Variants in PPARG observed in about 807,000 individuals in gnomAD.
PPARG encodes the protein peroxisome proliferator activated receptor gamma, also known as peroxisome proliferator-activated receptor gamma.
PPARG carries 17 observed loss-of-function variants against 39.2 expected under a neutral mutation model. The ratio of observed to expected loss-of-function variants is 0.43; its 90% CI spans 0.30 to 0.65. The LOEUF (loss-of-function observed/expected upper bound fraction) is 0.65. Among genes scored for constraint, PPARG ranks in the 30% least tolerant of loss-of-function variants. The pLI, the probability that PPARG is intolerant of heterozygous loss-of-function variation, is 0.13. For synonymous variants in PPARG, 223 were observed against 215.7 expected (o/e 1.03, Z -0.30); for missense variants, 406 against 585.9 (o/e 0.69, Z 3.17).
intron 1 of PPARG, among the ~76,000 whole-genome samples, chr3:12,291,520 A>G (rs987706149): frequency 6.6e-6 from 1 of 152,170 alleles, no homozygotes; most frequent in Non-Finnish European, 1.5e-5. Flanking sequence ...TTGGGGGAGT[A>G]ATATAGTATA....
intron 4 of PPARG, among the ~76,000 whole-genome samples, chr3:12,387,783 G>A (rs986425994): frequency 6.6e-6 from 1 of 152,146 alleles, no homozygotes; most frequent in African/African-American, 2.4e-5. Flanking sequence ...TAGACATGAA[G>A]TCTTTGCCCA....
chr3:12,288,398 T>TGCGTCCCGGC (rs1337447372), upstream of PPARG, among the ~76,000 whole-genome samples: 2 of 151,396 alleles, frequency 1.3e-5, no homozygotes, highest in African/African-American at 4.9e-5. Context: ...CGCGAGCCGG[T>TGCGTCCCGGC]GCGTCCCGGC....
intron 5 of PPARG, among the ~76,000 whole-genome samples, chr3:12,396,179 T>C (rs1367500667): frequency 1.3e-5 from 2 of 152,120 alleles, no homozygotes; most frequent in African/African-American, 4.8e-5. Context: ...TGGAGTACAA[T>C]GGTACAATCT....
At chr3:12,373,674 C>A (rs961908770) in intron 2 of PPARG, among the ~76,000 whole-genome samples, 1 of 151,582 alleles carries the variant, frequency 6.6e-6, no homozygotes, top group Admixed American at 6.6e-5. Flanking sequence ...AAAAAAAAAA[C>A]TGTGCATAGA....
Position 12,392,595 on chromosome 3 carries a change from C to CT in PPARG, c.391-13dup. 1.9e-6 allele frequency: 3 copies of CT among 1,613,450 alleles called. No homozygotes were observed. Among genetic ancestry groups the CT allele is most frequent in the South Asian group, 2.2e-5 (2 of 91,068 alleles). Reference sequence around the variant, plus strand: ...TGTCATAAAGACTTAAAATTTGCTTCTTTTTTATCCCTTTGCAGGGTTTCT... The same window carrying CT: ...TGTCATAAAGACTTAAAATTTGCTTCTTTTTTTATCCCTTTGCAGGGTTTCT... On this transcript the variant is annotated intron_variant, in intron 4 of 7. Coordinates refer to ENST00000651735, the MANE Select transcript of PPARG (RefSeq NM_138711.6).
At chr3:12,413,208 C>T (rs1016729823) in intron 6 of PPARG, among the ~76,000 whole-genome samples, 7 of 152,126 alleles carry the variant, frequency 4.6e-5, no homozygotes, top group African/African-American at 7.2e-5. Context: ...AGGCTGGCCA[C>T]GATCTTCTCA....
At chr3:12,421,359 CA>C (rs1323000907) in intron 7 of PPARG, among the ~76,000 whole-genome samples, 1 of 152,216 alleles carries the variant, frequency 6.6e-6, no homozygotes, top group African/African-American at 2.4e-5. Context: ...TGGGCGGTGT[CA>C]AGAGTAATAA....
chr3:12,401,512 C>T (rs1191941576), intron 5 of PPARG, among the ~76,000 whole-genome samples: 1 of 151,502 alleles, frequency 6.6e-6, no homozygotes, highest in African/African-American at 2.4e-5. Flanking sequence ...CATCACCTCA[C>T]GTGAGGTAGA....
chr3:12,313,136 T>A (rs1018950500), intron 2 of PPARG, among the ~76,000 whole-genome samples: 1 of 152,218 alleles, frequency 6.6e-6, no homozygotes, highest in Non-Finnish European at 1.5e-5. Flanking sequence ...GTTTTAGGAC[T>A]ATTGATTTTG....
chr3:12,408,262 C>A (rs2050742988), intron 6 of PPARG, among the ~76,000 whole-genome samples: 1 of 152,228 alleles, frequency 6.6e-6, no homozygotes. Context: ...GCTATCCCAA[C>A]ATATTCACAA....
intron 2 of PPARG, among the ~76,000 whole-genome samples, chr3:12,364,552 G>T (rs898112913): frequency 6.6e-6 from 1 of 152,154 alleles, no homozygotes; most frequent in Non-Finnish European, 1.5e-5. Flanking sequence ...GTTTTCAATT[G>T]ATTTGTGTAC....
intron 2 of PPARG, among the ~76,000 whole-genome samples, chr3:12,335,242 G>A (rs568063132): frequency 6.6e-6 from 1 of 152,108 alleles, no homozygotes; most frequent in Non-Finnish European, 1.5e-5. Flanking sequence ...TGTCAGAGTT[G>A]GTAGTAATTC....
chr3:12,425,713 A>G (rs932500259), intron 7 of PPARG, among the ~76,000 whole-genome samples: 4 of 152,046 alleles, frequency 2.6e-5, no homozygotes, highest in African/African-American at 9.7e-5. Flanking sequence ...ACTAGGCTTA[A>G]GGGGGGACTG....
chr3:12,367,164 A>G (rs1460870025), intron 2 of PPARG, among the ~76,000 whole-genome samples: 7 of 152,136 alleles, frequency 4.6e-5, no homozygotes, highest in Non-Finnish European at 2.9e-5. Flanking sequence ...TAGATTATCA[A>G]ATTTGTGAGC....
chr3:12,342,361 G>A (rs2048208041), intron 2 of PPARG, among the ~76,000 whole-genome samples: 1 of 152,166 alleles, frequency 6.6e-6, no homozygotes, highest in African/African-American at 2.4e-5. Context: ...ATTTAAAACA[G>A]CTTAGGAACA....
chr3:12,288,543 C>T (rs888419507), upstream of PPARG, among the ~76,000 whole-genome samples: 6 of 152,052 alleles, frequency 3.9e-5, no homozygotes, highest in African/African-American at 1.2e-4. Context: ...TGTCTGGACC[C>T]GGGGAAGCGA....
intron 2 of PPARG, among the ~76,000 whole-genome samples, chr3:12,356,472 T>C (rs575283691): frequency 9.2e-5 from 14 of 152,328 alleles, no homozygotes; most frequent in Admixed American, 2.6e-4. Flanking sequence ...TGGTTAACAC[T>C]GTAAAGCAGA....
At chr3:12,321,439 TA>T (rs1460550509) in intron 2 of PPARG, among the ~76,000 whole-genome samples, 1 of 152,226 alleles carries the variant, frequency 6.6e-6, no homozygotes, top group Non-Finnish European at 1.5e-5. Flanking sequence ...TGCCAAATGC[TA>T]CAGGGTGGAG....
At chr3:12,288,284 C>T (rs17036160), upstream of PPARG, among the ~76,000 whole-genome samples, 13,402 of 151,712 alleles carry the variant, frequency 0.088, 752 homozygotes, top group Non-Finnish European at 0.12. Context: ...GTGAAGGGGT[C>T]TTGGGCTGAG....
Sources: allele counts gnomAD v4.1 joint callset (sites outside exome capture counted in the v4.1 genomes callset), GRCh38; gene constraint gnomAD v4.1.1; transcripts MANE v1.5; gene names NCBI Gene and HGNC (gene_info 2026-07-23, HGNC 2026-07-21).